The following TEF variants were observed in gnomAD, a reference collection of about 807,000 sequenced individuals.
TEF encodes the protein thyrotroph embryonic factor.
A neutral mutation model predicts 20.8 loss-of-function variants in TEF; 3 were observed. That is an observed-to-expected ratio of 0.14 (90% CI 0.07 to 0.37). The LOEUF (loss-of-function observed/expected upper bound fraction) is 0.37, where lower values mean the gene tolerates loss of function less well. TEF is among the 10% of genes least tolerant of loss of function. The pLI, the probability that TEF is intolerant of heterozygous loss-of-function variation, is 1.00. For synonymous variants in TEF, 180 were observed against 171.1 expected, an observed-to-expected ratio of 1.05 and a Z score of -0.41; for missense variants, 296 against 397.9, an observed-to-expected ratio of 0.74 and a Z score of 2.18.
chr22:41,377,130 G>C (rs1327106515), upstream of TEF: 2 of 152,224 alleles, frequency 1.3e-5, no homozygotes, highest in Non-Finnish European at 2.9e-5. Flanking sequence ...CTCCTGAGTA[G>C]CTAGGGTACA....
At chr22:41,383,611 C>T (rs887031601) in intron 1 of TEF, among the ~76,000 whole-genome samples, 2 of 152,212 alleles carry the variant, frequency 1.3e-5, no homozygotes, top group Non-Finnish European at 2.9e-5. Flanking sequence ...TAACTTTTGA[C>T]CCTCAGTTTG....
upstream of TEF, among the ~76,000 whole-genome samples, chr22:41,381,703 A>AG (rs1030784416): frequency 1.3e-5 from 2 of 152,032 alleles, no homozygotes; most frequent in Non-Finnish European, 2.9e-5. Flanking sequence ...CAGGGGACAC[A>AG]GGGGCGGCGG....
chr22:41,395,247 C>T (rs902486104), intron 3 of TEF, among the ~76,000 whole-genome samples: 2 of 152,148 alleles, frequency 1.3e-5, no homozygotes, highest in African/African-American at 4.8e-5. Flanking sequence ...CTCAAGTGAT[C>T]CACCTGCCTC....
chr22:41,386,633 C>T (rs908019707), intron 1 of TEF, among the ~76,000 whole-genome samples: 1 of 151,986 alleles, frequency 6.6e-6, no homozygotes, highest in African/African-American at 2.4e-5. Flanking sequence ...TCCCAGTTTA[C>T]TGGGGAGACT....
chr22:41,387,293 T>C, intron 1 of TEF, 58 bp from the exon 2 acceptor site: 1 of 1,583,762 alleles, frequency 6.3e-7, no homozygotes, highest in East Asian at 2.2e-5. Flanking sequence ...CACTGCCCAC[T>C]TCCTGGGATT....
chr22:41,397,619 G>A lies in TEF; in HGVS notation c.*1659G>A, dbSNP rs1350631188. 6.5e-6 allele frequency: 1 copy of A among 152,768 alleles called. No individual in the cohort carries two copies. The highest frequency in any genetic ancestry group is 2.4e-5 in the African/African-American group (1 of 41,458). 9.5% of individuals were successfully genotyped at this position (152,768 alleles called of 1,614,324 possible). The stretch of plus-strand genomic sequence containing the variant: ...GGGACCTGCACACCCACCTCTCCGG[G>A]GGACTTGACAAGGGGCCCTGAGGCC... On this transcript the variant is annotated 3_prime_UTR_variant, in exon 4 of 4. Coordinates refer to ENST00000266304, the MANE Select transcript of TEF (RefSeq NM_003216.4).
Position 41,382,108 on chromosome 22 carries a change from C to T in TEF, c.64C>T (p.Pro22Ser), listed in dbSNP as rs780487259. ...VDPQAGPGPGPGRAAGERGLS... is the reference protein window; with the variant it reads ...VDPQAGPGPGSGRAAGERGLS... Reference sequence around the variant, plus strand: ...CCCGCAGGCAGGACCCGGTCCGGGGCCGGGGCGCGCAGCTGGGGAAAGGGG... The same window carrying T: ...CCCGCAGGCAGGACCCGGTCCGGGGTCGGGGCGCGCAGCTGGGGAAAGGGG... Residue 22 changes from proline to serine, a missense_variant, in exon 1 of 4, where the codon CCG (proline) becomes TCG (serine). Physicochemically the swap from Pro to Ser is moderately conservative, Grantham distance 74. Coordinates refer to ENST00000266304, the MANE Select transcript of TEF (RefSeq NM_003216.4). The T allele has an allele frequency of 4.9e-5, 61 of 1,232,878 alleles. No homozygotes were observed. The highest frequency in any genetic ancestry group is 5.1e-4 in the Middle Eastern group (2 of 3,960). 76.4% of individuals were successfully genotyped at this position (1,232,878 alleles called of 1,614,324 possible).
upstream of TEF, among the ~76,000 whole-genome samples, chr22:41,381,401 C>T (rs1011802980): frequency 3.3e-5 from 5 of 152,196 alleles, no homozygotes; most frequent in Admixed American, 1.3e-4. Context: ...CCTTCCTCCT[C>T]TGCCCCCTCC....
At chr22:41,383,503 A>G (rs997932825) in intron 1 of TEF, among the ~76,000 whole-genome samples, 2 of 152,158 alleles carry the variant, frequency 1.3e-5, no homozygotes, top group African/African-American at 4.8e-5. Flanking sequence ...ACATCATCTT[A>G]TTTCATTAAC....
At chr22:41,371,940 G>A (rs947711157) in intron 1 of TEF, among the ~76,000 whole-genome samples, 5 of 152,174 alleles carry the variant, frequency 3.3e-5, no homozygotes, top group African/African-American at 9.7e-5. Context: ...TGAGGGAAAT[G>A]AGCCGAGAGT....
At chr22:41,394,560 T>A (rs1254695709) in intron 3 of TEF, among the ~76,000 whole-genome samples, 2 of 152,224 alleles carry the variant, frequency 1.3e-5, no homozygotes, top group African/African-American at 4.8e-5. Flanking sequence ...TCGGCTGTGT[T>A]GATGTTCCTG....
At chr22:41,392,435 G>T (rs1473497614) in intron 2 of TEF, among the ~76,000 whole-genome samples, 2 of 151,614 alleles carry the variant, frequency 1.3e-5, no homozygotes, top group African/African-American at 4.9e-5. Context: ...CAGCACTTTG[G>T]GAGGCCGAGG....
Position 41,396,293 on chromosome 22 carries a change from A to C in TEF, c.*333A>C. ...TCTCCTGGGCGCTCAGGGTCCCTGG[A>C]CTCTCCCTCAGTCTCCAGCCTGGGC... On this transcript the variant is annotated 3_prime_UTR_variant, in exon 4 of 4. Transcript: ENST00000266304. The C allele has an allele frequency of 3.9e-6, 1 of 255,786 alleles. No homozygotes were observed. Among genetic ancestry groups the C allele is most frequent in the Non-Finnish European group, 7.6e-6 (1 of 131,546 alleles). The allele number at this position is 255,786 out of a possible 1,614,324, so 15.8% of individuals were successfully genotyped here. A position where few individuals can be genotyped will look rare whatever the true frequency, so the allele number is the denominator to read the frequency against.
At chr22:41,385,894 A>G (rs2037091838) in intron 1 of TEF, among the ~76,000 whole-genome samples, 1 of 151,920 alleles carries the variant, frequency 6.6e-6, no homozygotes, top group Non-Finnish European at 1.5e-5. Flanking sequence ...CATGTTGGCC[A>G]GGCTGGTCTC....
At chr22:41,370,303 T>A (rs1254189458) in intron 1 of TEF, among the ~76,000 whole-genome samples, 1 of 140,362 alleles carries the variant, frequency 7.1e-6, no homozygotes, top group Non-Finnish European at 1.6e-5. Flanking sequence ...TTAGTACAGA[T>A]GGGGTTTCAC....
At chr22:41,369,650 C>A (rs926105194) in intron 1 of TEF, among the ~76,000 whole-genome samples, 2 of 152,282 alleles carry the variant, frequency 1.3e-5, no homozygotes, top group African/African-American at 4.8e-5. Flanking sequence ...AAGCAATAGA[C>A]CTTGTTGAAA....
Position 41,387,772 on chromosome 22 carries a change from G to A in TEF, c.475+104G>A, listed in dbSNP as rs895512754. On this transcript the variant is annotated intron_variant, in intron 2 of 3. Transcript: ENST00000266304. ...TGTACCCAGTGAGTCCCTTCTCTGA[G>A]GGGAGGTCCTGGTGGGGCTGCAGTG... 3 of 1,209,402 alleles carry A rather than the reference G, an allele frequency of 2.5e-6. No homozygotes were observed. The Admixed American group carries it at 6.7e-5, about 27-fold the overall frequency. 74.9% of individuals were successfully genotyped at this position (1,209,402 alleles called of 1,614,324 possible). A position where few individuals can be genotyped will look rare whatever the true frequency, so the allele number is the denominator to read the frequency against.
In TEF at chr22:41,398,284, A is replaced by G. The variant is rs1188810411; in HGVS notation, c.*2324A>G. On this transcript the variant is annotated 3_prime_UTR_variant, in exon 4 of 4. Coordinates refer to ENST00000266304, the MANE Select transcript of TEF (RefSeq NM_003216.4). Reference sequence around the variant, plus strand: ...TGCCTGCTCAGTTTCTGTCGAGGGAATGGGAGTCTCCTCGGCTCCCTCCTG... The same window carrying G: ...TGCCTGCTCAGTTTCTGTCGAGGGAGTGGGAGTCTCCTCGGCTCCCTCCTG... 1.3e-5 allele frequency: 2 copies of G among 153,658 alleles called. No homozygotes were observed. Among genetic ancestry groups the G allele is most frequent in the Admixed American group, 1.3e-4 (2 of 15,268 alleles). 9.5% of individuals were successfully genotyped at this position (153,658 alleles called of 1,614,324 possible).
rs1037085121 is a variant in TEF at position 41,381,986 on chromosome 22, C to T, written c.-59C>T. On this transcript the variant is annotated 5_prime_UTR_variant, in exon 1 of 4. Coordinates refer to ENST00000266304, the MANE Select transcript of TEF (RefSeq NM_003216.4). The stretch of plus-strand genomic sequence containing the variant: ...GCAGCTGCAGCGGGTCGCACGGCTC[C>T]GGCCCATCTCGGGGGGCGGGCGGGG... The T allele has an allele frequency of 8.1e-6, 10 of 1,227,346 alleles. No homozygotes were observed. In the African/African-American group the frequency reaches 9.4e-5, roughly 12 times the overall value. The allele number at this position is 1,227,346 out of a possible 1,614,324, so 76.0% of individuals were successfully genotyped here.
Sources: gnomAD v4.1 joint callset for allele counts (sites outside exome capture counted in the v4.1 genomes callset) on GRCh38, gnomAD v4.1.1 for gene constraint, MANE v1.5 for transcripts, NCBI Gene and HGNC (gene_info 2026-07-23, HGNC 2026-07-21) for gene names.